The following ZNF473 variants were observed in gnomAD, a reference collection of about 807,000 sequenced individuals.
ZNF473 encodes the protein zinc finger protein 100 homolog.
Under a neutral mutation model 11.1 loss-of-function variants are expected in ZNF473, and 4 were observed. The observed-to-expected ratio is 0.36, with a 90% CI of 0.18 to 0.82. The LOEUF (loss-of-function observed/expected upper bound fraction) is 0.82, where lower values mean the gene tolerates loss of function less well. ZNF473 is among the 40% of genes least tolerant of loss of function. The probability of loss-of-function intolerance (pLI) is 0.49; values close to 1 mark genes in which losing one functional copy is unlikely to be tolerated. For synonymous variants in ZNF473, 404 were observed against 390.4 expected, an observed-to-expected ratio of 1.03 and a Z score of -0.41; for missense variants, 854 against 1,084.0, an observed-to-expected ratio of 0.79 and a Z score of 2.98.
rs1979149915 is a variant in ZNF473 at position 50,046,714 on chromosome 19, T to G, written c.2271T>G (p.Pro757=). ...AGAGAATTCACACTGGAGAAAAGCC[T>G]TATGTTTGTCAGGAATGCGGGAAAG... ...RHQRIHTGEK[P]YVCQECGKAF... The change falls in exon 5 of 5, where the codon CCT becomes CCG. Residue 757 remains proline (P), a synonymous_variant. Transcript: ENST00000270617. The surrounding 1 kb of genome is among the most constrained non-coding windows in gnomAD (Gnocchi z 5.9). The G allele has an allele frequency of 1.9e-6, 3 of 1,613,984 alleles. No individual in the cohort carries two copies. In the South Asian group the frequency reaches 3.3e-5, roughly 18 times the overall value.
At chr19:50,031,287 A>C (rs573618948) in intron 2 of ZNF473, among the ~76,000 whole-genome samples, 196 bp downstream of exon 2, 20 of 152,274 alleles carry the variant, frequency 1.3e-4, no homozygotes, top group African/African-American at 4.6e-4. Context: ...GAAAGCTCGC[A>C]TGCTGTTCTT....
intron 1 of ZNF473, among the ~76,000 whole-genome samples, chr19:50,029,907 G>A (rs956833566): frequency 5.3e-5 from 8 of 151,444 alleles, no homozygotes; most frequent in African/African-American, 1.7e-4. Context: ...GCTGGAGTGC[G>A]GTGGCACCAT....
rs767734185 is a variant in ZNF473 at position 50,044,874 on chromosome 19, C to T, written c.431C>T (p.Pro144Leu). 17 of 1,614,034 alleles carry T rather than the reference C, an allele frequency of 1.1e-5. No homozygotes were observed. The highest frequency in any genetic ancestry group is 1.4e-5 in the Non-Finnish European group (17 of 1,180,048). The change falls in exon 5 of 5, where the codon CCC (proline) becomes CTC (leucine). Residue 144 changes from proline to leucine, a missense_variant. By Grantham distance (98) the Pro-to-Leu change is moderately conservative. This residue lies in a region of ZNF473 where 668 missense variants were observed against 790.2 expected (regional missense o/e 0.85). Coordinates refer to ENST00000270617, the MANE Select transcript of ZNF473 (RefSeq NM_015428.4). ...RSDIATNGESPTECKSHELKR... is the reference protein window; with the variant it reads ...RSDIATNGESLTECKSHELKR... ...GATATTGCCACCAACGGGGAAAGTC[C>T]CACGGAATGCAAGAGTCATGAATTA...
At position 50,047,236 on chromosome 19, in the gene ZNF473, G is replaced by A. The variant is rs567086356; in HGVS notation, c.*177G>A. On this transcript the variant is annotated 3_prime_UTR_variant, in exon 5 of 5. Transcript: ENST00000270617. Reference sequence around the variant, plus strand: ...CACAAAAGTGGAGAAGCTGTACAACGTCAGGATTCAGAGGTAGGCTCTGGA... The same window carrying A: ...CACAAAAGTGGAGAAGCTGTACAACATCAGGATTCAGAGGTAGGCTCTGGA... The A allele has an allele frequency of 3.7e-5, 23 of 630,102 alleles. No individual in the cohort carries two copies. The East Asian group carries it at 4.9e-4, about 13-fold the overall frequency. The allele number at this position is 630,102 out of a possible 1,614,324, so 39.0% of individuals were successfully genotyped here. A position where few individuals can be genotyped will look rare whatever the true frequency, so the allele number is the denominator to read the frequency against.
rs1226151537 is a variant in ZNF473 at position 50,026,045 on chromosome 19, G to T, written c.-269G>T. The T allele has an allele frequency of 6.6e-6, 1 of 152,666 alleles. No individual in the cohort carries two copies. The highest frequency in any genetic ancestry group is 1.9e-4 in the East Asian group (1 of 5,188). The allele number at this position is 152,666 out of a possible 1,614,324, so 9.5% of individuals were successfully genotyped here. On this transcript the variant is annotated 5_prime_UTR_variant, in exon 1 of 5. Coordinates refer to ENST00000270617, the MANE Select transcript of ZNF473 (RefSeq NM_015428.4). ...GCACAGGAAGTCGCTGCGAGGAGGC[G>T]CGTGTGCGGGGAGTTGAATCTCCCG...
Position 50,047,808 on chromosome 19 carries a change from A to G in ZNF473, c.*749A>G, listed in dbSNP as rs1979224500. On this transcript the variant is annotated 3_prime_UTR_variant, in exon 5 of 5. Coordinates refer to ENST00000270617, the MANE Select transcript of ZNF473 (RefSeq NM_015428.4). ...CTCCCTCTTCCTATGACCTTCCTCC[A>G]TTTAACAGTGTTGGTTATGCAATAA... 6.6e-6 allele frequency: 1 copy of G among 152,210 alleles called. No individual in the cohort carries two copies. The highest frequency in any genetic ancestry group is 2.1e-4 in the South Asian group (1 of 4,832). The allele number at this position is 152,210 out of a possible 1,614,324, so 9.4% of individuals were successfully genotyped here.
At chr19:50,040,547 G>C (rs1322110539) in intron 3 of ZNF473, 1 of 152,360 alleles carries the variant, frequency 6.6e-6, no homozygotes, top group Admixed American at 6.5e-5. Context: ...TTTCCCAGGA[G>C]AGCAGCCAGC....
chr19:50,047,217 A>C lies in ZNF473; in HGVS notation c.*158A>C. ...TTCATTATAACAATGAAAACACAAAAGTGGAGAAGCTGTACAACGTCAGGA... is the reference window on the plus strand; with the variant it reads ...TTCATTATAACAATGAAAACACAAACGTGGAGAAGCTGTACAACGTCAGGA... On this transcript the variant is annotated 3_prime_UTR_variant, in exon 5 of 5. Transcript: ENST00000270617. 1.4e-6 allele frequency: 1 copy of C among 691,334 alleles called. No individual in the cohort carries two copies. Among genetic ancestry groups the C allele is most frequent in the East Asian group, 2.8e-5 (1 of 36,150 alleles). 42.8% of individuals were successfully genotyped at this position (691,334 alleles called of 1,614,324 possible). A position where few individuals can be genotyped will look rare whatever the true frequency, so the allele number is the denominator to read the frequency against.
At chr19:50,043,448 A>AAATATATATATATATATAT (rs1259545565) in intron 4 of ZNF473, 1 of 107,916 alleles carries the variant, frequency 9.3e-6, no homozygotes, top group African/African-American at 3.9e-5. Flanking sequence ...AAAAAAAAAA[A>AAATATATATATATATATAT]ATATATATAT....
At chr19:50,033,085 G>A (rs776991531) in intron 2 of ZNF473, among the ~76,000 whole-genome samples, 21 of 152,088 alleles carry the variant, frequency 1.4e-4, no homozygotes, top group Non-Finnish European at 2.6e-4. Context: ...TTTTTAGAGG[G>A]TTACAGTTCA....
rs10405885 is a variant in ZNF473 at position 50,039,868 on chromosome 19, G to A, written c.136+581G>A. On this transcript the variant is annotated intron_variant, in intron 3 of 4. Transcript: ENST00000270617. The surrounding 1 kb of genome is among the most constrained non-coding windows in gnomAD (Gnocchi z 4.8). The stretch of plus-strand genomic sequence containing the variant: ...CAGAGCGGGAGCTGTGTGAGGACAG[G>A]GCGTGTCCCCAGTGTTTGGAACGAA... Among the ~76,000 whole-genome samples, 7,992 of 152,238 alleles carry A rather than the reference G, an allele frequency of 0.052. 691 individuals carry two copies. Among genetic ancestry groups the A allele is most frequent in the African/African-American group, 0.18 (7,592 of 41,532 alleles).
chr19:50,044,601 C>T, intron 4 of ZNF473, 69 bp from the exon 5 acceptor site: 1 of 1,288,154 alleles, frequency 7.8e-7, no homozygotes, highest in Non-Finnish European at 1.1e-6. Context: ...CAAGATCTAT[C>T]ACCCCTACTT....
At chr19:50,036,264 G>A (rs62115246) in intron 2 of ZNF473, among the ~76,000 whole-genome samples, 2 of 149,566 alleles carry the variant, frequency 1.3e-5, no homozygotes, top group East Asian at 2.0e-4. Context: ...CCCACCAATC[G>A]AAACTCCTTG....
intron 1 of ZNF473, 176 bp downstream of exon 1, chr19:50,026,298 G>C (rs919289574): frequency 1.3e-5 from 2 of 152,420 alleles, no homozygotes; most frequent in African/African-American, 4.8e-5. Context: ...TCTGGGCACG[G>C]TAGATCACGC....
chr19:50,045,052 G>C lies in ZNF473; in HGVS notation c.609G>C (p.Gln203His), dbSNP rs1191226342. The change falls in exon 5 of 5, where the codon CAG becomes CAC. Residue 203 changes from glutamine (Q) to histidine (H), a missense_variant. By Grantham distance (24) the Gln-to-His change is conservative. Coordinates refer to ENST00000270617, the MANE Select transcript of ZNF473 (RefSeq NM_015428.4). ...YSDHSQQDSV[Q>H]EGEKPYQCSE... ...ACCACAGCCAGCAGGATTCTGTTCAGGAAGGGGAGAAACCATATCAATGTA... is the reference window on the plus strand; with the variant it reads ...ACCACAGCCAGCAGGATTCTGTTCACGAAGGGGAGAAACCATATCAATGTA... 5 of 1,614,100 alleles carry C rather than the reference G, an allele frequency of 3.1e-6. No homozygotes were observed. Among genetic ancestry groups the C allele is most frequent in the Non-Finnish European group, 4.2e-6 (5 of 1,180,052 alleles).
In ZNF473 at chr19:50,046,291, G is replaced by T; in HGVS notation, c.1848G>T (p.Val616=). 1 of 1,614,200 alleles carries T rather than the reference G, an allele frequency of 6.2e-7. No homozygotes were observed. Among genetic ancestry groups the T allele is most frequent in the Non-Finnish European group, 8.5e-7 (1 of 1,180,034 alleles). ...ACCATCAAAGAATCCACTCTAGAGT[G>T]AGGCTGTATAAATGGGGTGAGCAAG... The part of the protein sequence containing the change: ...LIHHQRIHSR[V]RLYKWGEQGK... The change falls in exon 5 of 5, where the codon GTG becomes GTT. Residue 616 remains valine (V), a synonymous_variant. Coordinates refer to ENST00000270617, the MANE Select transcript of ZNF473 (RefSeq NM_015428.4). This position sits in a 1 kb window ranked among gnomAD's most constrained non-coding sequence, Gnocchi z 5.9.
Position 50,044,837 on chromosome 19 carries a change from C to T in ZNF473, c.394C>T (p.Leu132Phe). The change falls in exon 5 of 5, where the codon CTT (leucine) becomes TTT (phenylalanine). Residue 132 changes from leucine to phenylalanine, a missense_variant. Physicochemically the swap from Leu to Phe is conservative, Grantham distance 22. Coordinates refer to ENST00000270617, the MANE Select transcript of ZNF473 (RefSeq NM_015428.4). The stretch of plus-strand genomic sequence containing the variant: ...TAGTTTGCTAGGCGATCCAGAAAGT[C>T]TTCTGAGGTCTGATATTGCCACCAA... ...LDSLLGDPES[L>F]LRSDIATNGE... 6.2e-7 allele frequency: 1 copy of T among 1,614,214 alleles called. No individual in the cohort carries two copies. The highest frequency in any genetic ancestry group is 8.5e-7 in the Non-Finnish European group (1 of 1,180,040).
At chr19:50,042,076 C>G (rs1246454878) in intron 4 of ZNF473, 1 of 292,944 alleles carries the variant, frequency 3.4e-6, no homozygotes, top group Non-Finnish European at 6.4e-6. Flanking sequence ...ACAGCTCCTC[C>G]TCTTTCCTTC....
At chr19:50,027,250 G>A (rs2077290196) in intron 1 of ZNF473, among the ~76,000 whole-genome samples, 1 of 152,208 alleles carries the variant, frequency 6.6e-6, no homozygotes. Flanking sequence ...TCACACTTAT[G>A]AGAACATTAA....
Sources: gnomAD v4.1 joint callset for allele counts (sites outside exome capture counted in the v4.1 genomes callset) on GRCh38, gnomAD v4.1.1 for gene constraint, gnomAD v4.1.1 regional missense constraint, Gnocchi (gnomAD v3.1) non-coding constraint, MANE v1.5 for transcripts, NCBI Gene and HGNC (gene_info 2026-07-23, HGNC 2026-07-21) for gene names.